The following BMAL1 variants were observed in gnomAD, a reference collection of about 807,000 sequenced individuals.
BMAL1 encodes basic helix-loop-helix ARNT like 1, also known as basic helix-loop-helix ARNT-like protein 1.
chr11:13,364,525 A>G, the BMAL1 span, among the ~76,000 whole-genome samples: 1,055 of 152,340 alleles, frequency 6.9e-3, 7 homozygotes, highest in Non-Finnish European at 0.012. Context: ...GTGAGAAACT[A>G]GTCCACTGTG....
chr11:13,327,842 C>T, the BMAL1 span, among the ~76,000 whole-genome samples: 8 of 109,684 alleles, frequency 7.3e-5, no homozygotes, highest in South Asian at 6.0e-4. Flanking sequence ...AAAAAATAAA[C>T]GACAAGACAA....
the BMAL1 span, among the ~76,000 whole-genome samples, chr11:13,337,873 G>A: frequency 6.6e-6 from 1 of 152,172 alleles, no homozygotes; most frequent in Non-Finnish European, 1.5e-5. Flanking sequence ...GTCAGACAGA[G>A]CTGGGTTTGA....
At chr11:13,308,772 G>A in the BMAL1 span, among the ~76,000 whole-genome samples, 1 of 152,192 alleles carries the variant, frequency 6.6e-6, no homozygotes, top group Non-Finnish European at 1.5e-5. Context: ...ATCTGAGAAA[G>A]ATGTGAAGAT....
At chr11:13,367,727 A>C in the BMAL1 span, among the ~76,000 whole-genome samples, 5 of 150,844 alleles carry the variant, frequency 3.3e-5, no homozygotes, top group Admixed American at 2.0e-4. Flanking sequence ...AAAAAAAAAA[A>C]GAATGAGAAC....
chr11:13,327,603 T>G, the BMAL1 span, among the ~76,000 whole-genome samples: 1 of 152,234 alleles, frequency 6.6e-6, no homozygotes. Context: ...TTTCTGTCAT[T>G]GACTGAACAG....
the BMAL1 span, among the ~76,000 whole-genome samples, chr11:13,359,746 T>C: frequency 6.6e-6 from 1 of 152,244 alleles, no homozygotes; most frequent in African/African-American, 2.4e-5. Flanking sequence ...AAATGCCAGA[T>C]TGACAGCCTT....
chr11:13,372,197 A>G, the BMAL1 span: 1 of 1,614,212 alleles, frequency 6.2e-7, no homozygotes, highest in Admixed American at 1.7e-5. Context: ...TCCACAGCAC[A>G]GGCTATTTGA....
chr11:13,381,303 T>G, the BMAL1 span: 2 of 1,585,016 alleles, frequency 1.3e-6, no homozygotes, highest in East Asian at 2.2e-5. Flanking sequence ...TTGCCCAAGA[T>G]CTGAAATGTT....
At chr11:13,325,657 T>TTGTGTGTGTGTGTGTGTGTG in the BMAL1 span, among the ~76,000 whole-genome samples, 160 of 134,402 alleles carry the variant, frequency 1.2e-3, 1 homozygote, top group Middle Eastern at 3.8e-3. Flanking sequence ...TTGAGACCTT[T>TTGTGTGTGTGTGTGTGTGTG]TGTGTGTGTG....
At chr11:13,372,126 C>A in the BMAL1 span, 1 of 1,610,586 alleles carries the variant, frequency 6.2e-7, no homozygotes, top group Non-Finnish European at 8.5e-7. Context: ...ATGGCCCAAA[C>A]CTAGTGCTGA....
chr11:13,366,653 T>C, the BMAL1 span: 2 of 1,603,522 alleles, frequency 1.2e-6, no homozygotes, highest in Non-Finnish European at 8.5e-7. Context: ...GTTTAACATT[T>C]CATCTCCCCA....
the BMAL1 span, among the ~76,000 whole-genome samples, chr11:13,323,538 A>C: frequency 5.7e-3 from 865 of 152,264 alleles, 9 homozygotes; most frequent in Admixed American, 0.01. Context: ...AAATGTGGGC[A>C]TCATCTTTGA....
chr11:13,338,951 G>C, the BMAL1 span, among the ~76,000 whole-genome samples: 1 of 152,202 alleles, frequency 6.6e-6, no homozygotes, highest in Middle Eastern at 3.2e-3. Context: ...AGGGCCTGTG[G>C]TGTCACCTAG....
chr11:13,324,147 C>T, the BMAL1 span, among the ~76,000 whole-genome samples: 11 of 152,320 alleles, frequency 7.2e-5, no homozygotes, highest in Non-Finnish European at 1.3e-4. Context: ...GCTCTACCCT[C>T]GTTCAAACCT....
At chr11:13,368,037 C>T in the BMAL1 span, among the ~76,000 whole-genome samples, 5 of 152,194 alleles carry the variant, frequency 3.3e-5, no homozygotes, top group African/African-American at 7.2e-5. Flanking sequence ...TACAGCACAC[C>T]GCTTGTTCCT....
the BMAL1 span, among the ~76,000 whole-genome samples, chr11:13,305,227 C>T: frequency 3.3e-5 from 5 of 152,094 alleles, no homozygotes; most frequent in African/African-American, 9.7e-5. Context: ...GCTGGGCCCC[C>T]GCTAGGTATT....
the BMAL1 span, among the ~76,000 whole-genome samples, chr11:13,304,211 G>A: frequency 6.6e-6 from 1 of 152,150 alleles, no homozygotes; most frequent in African/African-American, 2.4e-5. Flanking sequence ...GGGGATGCAG[G>A]GGAGAAGCGG....
the BMAL1 span, among the ~76,000 whole-genome samples, chr11:13,302,685 T>C: frequency 6.6e-6 from 1 of 152,156 alleles, no homozygotes; most frequent in Admixed American, 6.5e-5. Context: ...AATTGTTTCT[T>C]AAAAGGCACA....
the BMAL1 span, among the ~76,000 whole-genome samples, chr11:13,325,657 T>TTGTGTGTGTGTGTGTGTGTGTGTG: frequency 8.9e-5 from 12 of 134,412 alleles, no homozygotes; most frequent in African/African-American, 3.4e-4. Flanking sequence ...TTGAGACCTT[T>TTGTGTGTGTGTGTGTGTGTGTGTG]TGTGTGTGTG....
Sources: allele counts gnomAD v4.1 joint callset (sites outside exome capture counted in the v4.1 genomes callset), GRCh38; gene constraint gnomAD v4.1.1; transcripts MANE v1.5; gene names NCBI Gene and HGNC (gene_info 2026-07-23, HGNC 2026-07-21).